Variants in RIPOR2 observed in about 807,000 individuals in gnomAD.
RIPOR2 encodes the protein RHO family interacting cell polarization regulator 2.
RIPOR2 carries 39 observed loss-of-function variants against 114.5 expected under a neutral mutation model. That is an observed-to-expected ratio of 0.34 (90% confidence interval 0.26 to 0.44). The LOEUF is 0.44. Ranked by LOEUF, RIPOR2 falls within the 20% of genes least tolerant of loss-of-function variation. RIPOR2 has a pLI of 1.00. For synonymous variants in RIPOR2, 445 were observed against 484.4 expected (o/e 0.92, Z 1.07); for missense variants, 1,007 against 1,255.1 (o/e 0.80, Z 2.99).
chr6:24,937,817 G>C (rs894020038), upstream of RIPOR2, among the ~76,000 whole-genome samples: 14 of 152,070 alleles, frequency 9.2e-5, no homozygotes, highest in African/African-American at 3.4e-4. Flanking sequence ...ACTAATTCCA[G>C]AGCTCACTCT....
At chr6:24,997,211 T>C (rs1432738803) in intron 1 of RIPOR2, among the ~76,000 whole-genome samples, 4 of 152,176 alleles carry the variant, frequency 2.6e-5, no homozygotes, top group Non-Finnish European at 5.9e-5. Context: ...TTTAAAAAAC[T>C]CCCCAGGTGA....
chr6:24,975,434 A>G (rs1773999656), intron 1 of RIPOR2, among the ~76,000 whole-genome samples: 1 of 152,222 alleles, frequency 6.6e-6, no homozygotes, highest in African/African-American at 2.4e-5. Flanking sequence ...TCAGAAAAGC[A>G]TGGGATGGTG....
intron 1 of RIPOR2, among the ~76,000 whole-genome samples, chr6:25,022,805 C>T (rs1776396288): frequency 6.6e-6 from 1 of 151,894 alleles, no homozygotes; most frequent in South Asian, 2.1e-4. Context: ...CACCATCTCC[C>T]AAAGTTTTGG....
chr6:24,957,977 T>G (rs748907240), intron 1 of RIPOR2, among the ~76,000 whole-genome samples: 10 of 152,140 alleles, frequency 6.6e-5, no homozygotes, highest in Non-Finnish European at 1.5e-4. Flanking sequence ...CAGTCTTTCT[T>G]GAGTGTATGA....
chr6:24,822,909 A>G (rs1242955316), intron 19 of RIPOR2, among the ~76,000 whole-genome samples: 2 of 152,250 alleles, frequency 1.3e-5, no homozygotes, highest in Non-Finnish European at 2.9e-5. Context: ...GCTTAGATTC[A>G]TAACAATTCC....
intron 1 of RIPOR2, among the ~76,000 whole-genome samples, chr6:24,882,700 C>T (rs541519870): frequency 1.3e-5 from 2 of 152,160 alleles, no homozygotes; most frequent in Non-Finnish European, 2.9e-5. Context: ...CTAGCTCTTC[C>T]CTTCTCATAT....
intron 19 of RIPOR2, among the ~76,000 whole-genome samples, chr6:24,819,898 A>G (rs1759525547): frequency 6.6e-6 from 1 of 152,096 alleles, no homozygotes; most frequent in African/African-American, 2.4e-5. Flanking sequence ...ACTATATGTC[A>G]TATTGGTTCA....
intron 19 of RIPOR2, among the ~76,000 whole-genome samples, chr6:24,822,092 C>T (rs945518971): frequency 4.6e-5 from 7 of 152,170 alleles, no homozygotes; most frequent in African/African-American, 1.7e-4. Context: ...AAAGTAGGAT[C>T]CCGCCATTAA....
chr6:24,939,024 G>A (rs974078233), upstream of RIPOR2, among the ~76,000 whole-genome samples: 5 of 152,170 alleles, frequency 3.3e-5, no homozygotes, highest in Admixed American at 2.6e-4. Flanking sequence ...AAAAAATGTA[G>A]GTAATCGCTA....
At chr6:25,000,730 A>T (rs1400522476) in intron 1 of RIPOR2, among the ~76,000 whole-genome samples, 2 of 151,894 alleles carry the variant, frequency 1.3e-5, no homozygotes. Flanking sequence ...GGTTCTCACC[A>T]AGGAATCCAG....
At chr6:25,019,795 A>G (rs1178237361) in intron 1 of RIPOR2, among the ~76,000 whole-genome samples, 1 of 149,198 alleles carries the variant, frequency 6.7e-6, no homozygotes, top group Admixed American at 6.7e-5. Context: ...AAAAAAAAAA[A>G]AAAGAAAAGA....
At chr6:24,886,706 T>C (rs528674668) in intron 1 of RIPOR2, among the ~76,000 whole-genome samples, 82 of 152,348 alleles carry the variant, frequency 5.4e-4, no homozygotes, top group African/African-American at 1.9e-3. Context: ...CTCAAGGAGT[T>C]GCTTGGTGCC....
intron 19 of RIPOR2, among the ~76,000 whole-genome samples, chr6:24,824,806 C>T (rs1045546933): frequency 6.6e-6 from 1 of 152,084 alleles, no homozygotes; most frequent in Non-Finnish European, 1.5e-5. Flanking sequence ...TACAAATGCC[C>T]ACCAATACAC....
chr6:24,940,584 T>C (rs1055401531), upstream of RIPOR2, among the ~76,000 whole-genome samples: 3 of 152,020 alleles, frequency 2.0e-5, no homozygotes, highest in African/African-American at 7.2e-5. Context: ...AAGATGCACC[T>C]AAAAATTTGT....
intron 1 of RIPOR2, among the ~76,000 whole-genome samples, chr6:24,912,555 A>T (rs1033027575): frequency 6.7e-6 from 1 of 149,100 alleles, no homozygotes; most frequent in Non-Finnish European, 1.5e-5. Flanking sequence ...TATCATGACT[A>T]TTTGTGTAGA....
chr6:24,954,996 C>T (rs1772964286), intron 1 of RIPOR2, among the ~76,000 whole-genome samples: 1 of 151,898 alleles, frequency 6.6e-6, no homozygotes, highest in Non-Finnish European at 1.5e-5. Context: ...GTTTATATAT[C>T]CTGATTTGTA....
intron 1 of RIPOR2, among the ~76,000 whole-genome samples, chr6:24,978,979 C>T (rs960993887): frequency 6.6e-6 from 1 of 152,138 alleles, no homozygotes; most frequent in Non-Finnish European, 1.5e-5. Flanking sequence ...TTAGCTTAGG[C>T]CTGGGGTGCA....
intron 1 of RIPOR2, among the ~76,000 whole-genome samples, chr6:25,036,268 T>G (rs1236033700): frequency 6.6e-6 from 1 of 152,230 alleles, no homozygotes; most frequent in East Asian, 1.9e-4. Flanking sequence ...GCTTTGTCAC[T>G]GTTGTCTTTT....
chr6:24,879,323 C>T (rs191541725), intron 1 of RIPOR2, among the ~76,000 whole-genome samples: 73 of 152,172 alleles, frequency 4.8e-4, no homozygotes, highest in Middle Eastern at 6.8e-3. Flanking sequence ...TCCAGCCTGG[C>T]GAGAGTGGGG....
Sources: allele counts gnomAD v4.1 joint callset (sites outside exome capture counted in the v4.1 genomes callset), GRCh38; gene constraint gnomAD v4.1.1; transcripts MANE v1.5; gene names NCBI Gene and HGNC (gene_info 2026-07-23, HGNC 2026-07-21).